XKR4: variants seen among roughly 807,000 people sequenced by gnomAD.
XKR4 encodes the protein XK related 4.
Under a neutral mutation model 53.9 loss-of-function variants are expected in XKR4, and 12 were observed. The ratio of observed to expected loss-of-function variants is 0.22; its 90% CI spans 0.14 to 0.36. The LOEUF (loss-of-function observed/expected upper bound fraction) is 0.36, where lower values mean the gene tolerates loss of function less well. Among genes scored for constraint, XKR4 ranks in the 10% least tolerant of loss-of-function variants. The probability of loss-of-function intolerance (pLI) is 1.00; values close to 1 mark genes in which losing one functional copy is unlikely to be tolerated. For synonymous variants in XKR4, 354 were observed against 362.4 expected (o/e 0.98, Z 0.26); for missense variants, 799 against 859.5 (o/e 0.93, Z 0.88).
chr8:55,220,312 G>A lies in XKR4; in HGVS notation c.806+117018G>A, dbSNP rs145357558. On this transcript the variant is annotated intron_variant, in intron 1 of 2. Coordinates refer to ENST00000327381, the MANE Select transcript of XKR4 (RefSeq NM_052898.2). The stretch of plus-strand genomic sequence containing the variant: ...GAATAAACAAATGATTAAGTGTAAC[G>A]AATGTAAATGCTCTGAAAATGGGCA... Among the ~76,000 whole-genome samples, 65 of 152,220 alleles carry A rather than the reference G, an allele frequency of 4.3e-4. 4 individuals are homozygous for A. In the East Asian group the frequency reaches 0.012, roughly 28 times the overall value.
At chr8:55,295,912 A>G (rs924730505) in intron 1 of XKR4, among the ~76,000 whole-genome samples, 2 of 152,234 alleles carry the variant, frequency 1.3e-5, no homozygotes, top group Non-Finnish European at 2.9e-5. Context: ...CCACAAATCT[A>G]TTAATACTGA....
chr8:55,164,721 A>G (rs978992673), intron 1 of XKR4: 4 of 259,530 alleles, frequency 1.5e-5, no homozygotes, highest in African/African-American at 8.9e-5. Flanking sequence ...GTATAATAAT[A>G]CCATTACCAA....
intron 2 of XKR4, among the ~76,000 whole-genome samples, chr8:55,489,572 G>C (rs1806242838): frequency 6.6e-6 from 1 of 151,422 alleles, no homozygotes; most frequent in African/African-American, 2.4e-5. Context: ...TACCCTCTTA[G>C]ACCTCAGTCT....
At chr8:55,192,676 T>C (rs535020650) in intron 1 of XKR4, among the ~76,000 whole-genome samples, 11 of 152,252 alleles carry the variant, frequency 7.2e-5, no homozygotes, top group African/African-American at 1.4e-4. Context: ...ATTGTGCACA[T>C]GTAAAATAAA....
chr8:55,392,660 G>A (rs781207234), intron 2 of XKR4, among the ~76,000 whole-genome samples: 3 of 152,102 alleles, frequency 2.0e-5, no homozygotes, highest in East Asian at 1.9e-4. Flanking sequence ...GTGTGGTGGC[G>A]CATGCCTATA....
At chr8:55,214,245 A>T (rs1036288665) in intron 1 of XKR4, among the ~76,000 whole-genome samples, 3 of 152,206 alleles carry the variant, frequency 2.0e-5, no homozygotes, top group Non-Finnish European at 4.4e-5. Flanking sequence ...CAGTAAATTT[A>T]AAAAGCCCTG....
intron 1 of XKR4, among the ~76,000 whole-genome samples, chr8:55,172,965 G>A (rs1563474662): frequency 6.6e-6 from 1 of 152,200 alleles, no homozygotes; most frequent in Non-Finnish European, 1.5e-5. Flanking sequence ...TGTAGAACAT[G>A]CTTGCTCATC....
At position 55,102,951 on chromosome 8, in the gene XKR4, G is replaced by C. The variant is rs1182807844; in HGVS notation, c.463G>C (p.Gly155Arg). 2 of 1,611,508 alleles carry C rather than the reference G, an allele frequency of 1.2e-6. No homozygotes were observed. The highest frequency in any genetic ancestry group is 1.7e-6 in the Non-Finnish European group (2 of 1,179,864). The change falls in exon 1 of 3, where the codon GGC (glycine) becomes CGC (arginine). Residue 155 changes from glycine to arginine, a missense_variant. Gly to Arg is a moderately radical substitution (Grantham distance 125, BLOSUM62 -2). This residue lies in a region of XKR4 where 476 missense variants were observed against 505.4 expected (regional missense o/e 0.94). Transcript: ENST00000327381. This position sits in a 1 kb window ranked among gnomAD's most constrained non-coding sequence, Gnocchi z 5.1. ...GCTCACGCTCTTCTTCGTGGTGCTC[G>C]GCTCTCTGTCGGTGCAAGTGTTCAG... Reference protein sequence around the residue: ...FGLTLFFVVLGSLSVQVFSFR... With the variant: ...FGLTLFFVVLRSLSVQVFSFR...
chr8:55,534,363 C>CTTTTTTTTTTTTTTTTTTTT lies in XKR4; in HGVS notation c.*10145_*10164dup, dbSNP rs1160872780. 8.5e-5 allele frequency: 4 copies of CTTTTTTTTTTTTTTTTTTTT among 47,134 alleles called. 1 individual carries two copies. Among genetic ancestry groups the CTTTTTTTTTTTTTTTTTTTT allele is most frequent in the Non-Finnish European group, 1.5e-4 (4 of 26,632 alleles). 2.9% of individuals were successfully genotyped at this position (47,134 alleles called of 1,614,324 possible). A position where few individuals can be genotyped will look rare whatever the true frequency, so the allele number is the denominator to read the frequency against. On this transcript the variant is annotated 3_prime_UTR_variant, in exon 3 of 3. Transcript: ENST00000327381. ...GCTCAAAGATCACGAATCTGATATT[C>CTTTTTTTTTTTTTTTTTTTT]TTTTTTTTTTTTTTTTTTTTTTTTT...
intron 2 of XKR4, among the ~76,000 whole-genome samples, chr8:55,379,008 C>T (rs1374939939): frequency 1.3e-5 from 2 of 152,230 alleles, no homozygotes; most frequent in African/African-American, 4.8e-5. Context: ...TAACAGCTTA[C>T]TAGCTGTGTG....
intron 1 of XKR4, among the ~76,000 whole-genome samples, chr8:55,318,498 C>T (rs1023772529): frequency 3.3e-5 from 5 of 152,138 alleles, no homozygotes; most frequent in Non-Finnish European, 5.9e-5. Context: ...GTCCCAAACT[C>T]GACCAAACCA....
intron 1 of XKR4, among the ~76,000 whole-genome samples, chr8:55,274,372 T>G (rs988831830): frequency 6.6e-6 from 1 of 152,092 alleles, no homozygotes; most frequent in African/African-American, 2.4e-5. Context: ...CTTCTCCCTA[T>G]ATCCTCATAT....
intron 1 of XKR4, among the ~76,000 whole-genome samples, chr8:55,318,935 A>G (rs976668897): frequency 2.6e-5 from 4 of 152,204 alleles, no homozygotes; most frequent in Non-Finnish European, 5.9e-5. Flanking sequence ...AATTAATTTC[A>G]ATATTAAAAT....
rs974166188 is a variant in XKR4 at position 55,527,330 on chromosome 8, T to A, written c.*3103T>A. ...AAAATTGGAAATGCTGGGTTCCTTA[T>A]CTGCAGGCTCCTTTCTGTGTCTGAG... is the stretch of plus-strand genomic sequence containing the variant. On this transcript the variant is annotated 3_prime_UTR_variant, in exon 3 of 3. Coordinates refer to ENST00000327381, the MANE Select transcript of XKR4 (RefSeq NM_052898.2). 2 of 152,252 alleles carry A rather than the reference T, an allele frequency of 1.3e-5. No individual in the cohort carries two copies. The highest frequency in any genetic ancestry group is 2.9e-5 in the Non-Finnish European group (2 of 68,036). The allele number at this position is 152,252 out of a possible 1,614,324, so 9.4% of individuals were successfully genotyped here.
intron 2 of XKR4, among the ~76,000 whole-genome samples, chr8:55,438,665 AG>A (rs1409069751): frequency 2.6e-5 from 4 of 152,230 alleles, no homozygotes; most frequent in African/African-American, 9.6e-5. Context: ...GTCAATTTAA[AG>A]AAGAAATTGG....
intron 1 of XKR4, among the ~76,000 whole-genome samples, chr8:55,290,104 G>T (rs1818997291): frequency 6.7e-6 from 1 of 150,150 alleles, no homozygotes; most frequent in Non-Finnish European, 1.5e-5. Flanking sequence ...TTGAATTTTT[G>T]TGTGTGATGT....
At position 55,534,398 on chromosome 8, in the gene XKR4, G is replaced by C. The variant is rs1807000008; in HGVS notation, c.*10171G>C. ...TTTTTTTTTTTTTTTTTTTGAGACA[G>C]AGTCTCGCTCTGTCGCAGGGGCTGG... On this transcript the variant is annotated 3_prime_UTR_variant, in exon 3 of 3. Transcript: ENST00000327381. 1 of 49,420 alleles carries C rather than the reference G, an allele frequency of 2.0e-5. No homozygotes were observed. Among genetic ancestry groups the C allele is most frequent in the Non-Finnish European group, 4.1e-5 (1 of 24,110 alleles). The allele number at this position is 49,420 out of a possible 1,614,324, so 3.1% of individuals were successfully genotyped here. A position where few individuals can be genotyped will look rare whatever the true frequency, so the allele number is the denominator to read the frequency against.
At chr8:55,197,545 A>ATTTTT (rs35974542) in intron 1 of XKR4, among the ~76,000 whole-genome samples, 1 of 143,702 alleles carries the variant, frequency 7.0e-6, no homozygotes, top group Non-Finnish European at 1.5e-5. Flanking sequence ...GTTCAGCTAA[A>ATTTTT]TTTTTTTTTT....
intron 1 of XKR4, among the ~76,000 whole-genome samples, chr8:55,284,414 G>T (rs1040604602): frequency 7.2e-5 from 11 of 152,082 alleles, no homozygotes; most frequent in African/African-American, 2.4e-4. Flanking sequence ...AAATCATCTG[G>T]GGCTGCAGTC....
Sources: gnomAD v4.1 joint callset for allele counts (sites outside exome capture counted in the v4.1 genomes callset) on GRCh38, gnomAD v4.1.1 for gene constraint, gnomAD v4.1.1 regional missense constraint, Gnocchi (gnomAD v3.1) non-coding constraint, MANE v1.5 for transcripts, NCBI Gene and HGNC (gene_info 2026-07-23, HGNC 2026-07-21) for gene names.